CNTN5: variants seen among roughly 807,000 people sequenced by gnomAD.
The protein encoded by CNTN5 is contactin 5, also known as contactin-5.
A neutral mutation model predicts 129.1 loss-of-function variants in CNTN5; 77 were observed. The ratio of observed to expected loss-of-function variants is 0.60; its 90% CI spans 0.50 to 0.72. The LOEUF (loss-of-function observed/expected upper bound fraction) is 0.72, where lower values mean the gene tolerates loss of function less well. Ranked by LOEUF, CNTN5 falls within the 30% of genes least tolerant of loss-of-function variation. The pLI is 0.00. For synonymous variants in CNTN5, 509 were observed against 465.6 expected (o/e 1.09, Z -1.20); for missense variants, 1,478 against 1,328.8 (o/e 1.11, Z -1.75).
intron 4 of CNTN5, among the ~76,000 whole-genome samples, chr11:99,843,277 C>T (rs1018723252): frequency 5.3e-5 from 8 of 152,200 alleles, no homozygotes; most frequent in Admixed American, 5.2e-4. Flanking sequence ...AGAAAATACT[C>T]GTCAGTACAT....
chr11:99,533,170 C>G (rs142481906), intron 2 of CNTN5, among the ~76,000 whole-genome samples: 1,875 of 152,312 alleles, frequency 0.012, 18 homozygotes, highest in Non-Finnish European at 0.018. Context: ...TTGCAGTGAG[C>G]CAAGATTGTG....
At chr11:100,281,996 A>ATTTTTTTTTTT (rs34162956) in intron 18 of CNTN5, among the ~76,000 whole-genome samples, 2 of 123,160 alleles carry the variant, frequency 1.6e-5, no homozygotes, top group African/African-American at 2.9e-5. Flanking sequence ...TTGGCATTCT[A>ATTTTTTTTTTT]TTTTTTTTTT....
At chr11:100,349,917 A>T (rs1453621633) in intron 23 of CNTN5, among the ~76,000 whole-genome samples, 1 of 151,688 alleles carries the variant, frequency 6.6e-6, no homozygotes, top group Non-Finnish European at 1.5e-5. Flanking sequence ...AAGTCACCTA[A>T]CCTTTATGGC....
At chr11:99,600,484 C>A (rs540668078) in intron 3 of CNTN5, among the ~76,000 whole-genome samples, 1 of 152,106 alleles carries the variant, frequency 6.6e-6, no homozygotes, top group African/African-American at 2.4e-5. Flanking sequence ...ACTAACTTTG[C>A]CCACTTCAGC....
Position 99,956,865 on chromosome 11 carries a change from C to T in CNTN5, c.733C>T (p.Arg245Trp). ...FPSFVAEDSR[R>W]FISQETGNLY... ...TTCCTTTGTGGCGGAAGACAGCCGG[C>T]GGTTCATCTCCCAGGAGACAGGCAA... is the stretch of plus-strand genomic sequence containing the variant. Residue 245 changes from arginine to tryptophan, a missense_variant, in exon 8 of 25, where the codon CGG (arginine) becomes TGG (tryptophan). Arg to Trp is a moderately radical substitution (Grantham distance 101, BLOSUM62 -3). Transcript: ENST00000524871. The T allele has an allele frequency of 1.9e-6, 3 of 1,613,800 alleles. No homozygotes were observed. The highest frequency in any genetic ancestry group is 1.7e-6 in the Non-Finnish European group (2 of 1,179,764).
chr11:100,170,013 T>G (rs974662647), intron 13 of CNTN5, among the ~76,000 whole-genome samples: 3 of 151,994 alleles, frequency 2.0e-5, no homozygotes, highest in Admixed American at 1.3e-4. Context: ...TGTTACTGTA[T>G]GAAAATACTT....
chr11:99,778,026 G>T (rs1038295735), intron 3 of CNTN5, among the ~76,000 whole-genome samples: 2 of 151,726 alleles, frequency 1.3e-5, no homozygotes, highest in South Asian at 2.1e-4. Flanking sequence ...AATATTTTAG[G>T]TTATATAACC....
intron 2 of CNTN5, among the ~76,000 whole-genome samples, chr11:99,333,667 G>A (rs1866096296): frequency 6.6e-6 from 1 of 151,954 alleles, no homozygotes; most frequent in African/African-American, 2.4e-5. Context: ...GGGTTAAAAG[G>A]AAGGTGAAAA....
intron 15 of CNTN5, among the ~76,000 whole-genome samples, chr11:100,220,273 T>C (rs1282414519): frequency 6.6e-6 from 1 of 150,980 alleles, no homozygotes; most frequent in Admixed American, 6.6e-5. Context: ...CGAGACTCTG[T>C]CTCAATTAAA....
intron 1 of CNTN5, among the ~76,000 whole-genome samples, chr11:99,073,434 G>GGTTT (rs1387621289): frequency 7.0e-6 from 1 of 142,018 alleles, no homozygotes; most frequent in East Asian, 2.2e-4. Flanking sequence ...TGAATGTGCA[G>GGTTT]GTTTGTTACA....
intron 13 of CNTN5, among the ~76,000 whole-genome samples, chr11:100,076,050 C>T (rs1339394475): frequency 6.6e-6 from 1 of 152,068 alleles, no homozygotes; most frequent in Admixed American, 6.6e-5. Context: ...TTGCCTATGA[C>T]AGAATTGATC....
intron 3 of CNTN5, among the ~76,000 whole-genome samples, chr11:99,769,714 T>C (rs758410756): frequency 5.3e-5 from 8 of 151,364 alleles, no homozygotes; most frequent in Non-Finnish European, 1.0e-4. Context: ...CTTCGGAGGC[T>C]GAGGTGGGAG....
intron 3 of CNTN5, among the ~76,000 whole-genome samples, chr11:99,754,471 C>A (rs570974815): frequency 6.6e-6 from 1 of 152,196 alleles, no homozygotes; most frequent in South Asian, 2.1e-4. Context: ...TCAACTCATG[C>A]CTTAAGGGTT....
intron 13 of CNTN5, among the ~76,000 whole-genome samples, chr11:100,149,513 A>AAATT (rs1277634887): frequency 6.6e-6 from 1 of 152,204 alleles, no homozygotes; most frequent in Non-Finnish European, 1.5e-5. Context: ...TTTGCTTTTA[A>AAATT]AATTATATTT....
At chr11:100,262,297 C>T (rs543920983) in intron 17 of CNTN5, among the ~76,000 whole-genome samples, 14 of 152,084 alleles carry the variant, frequency 9.2e-5, no homozygotes, top group Non-Finnish European at 1.8e-4. Context: ...ACAACAGATG[C>T]TGGAGAGGAT....
chr11:99,853,509 C>T (rs753402935), intron 6 of CNTN5, among the ~76,000 whole-genome samples: 4 of 152,056 alleles, frequency 2.6e-5, no homozygotes, highest in African/African-American at 7.2e-5. Flanking sequence ...AAGCGATTCT[C>T]CTGCCTCAGC....
chr11:99,975,287 G>A (rs1794187854), intron 8 of CNTN5, among the ~76,000 whole-genome samples: 1 of 152,162 alleles, frequency 6.6e-6, no homozygotes, highest in Non-Finnish European at 1.5e-5. Flanking sequence ...TTATTTTGGA[G>A]CTTACGTTTT....
At chr11:99,057,623 A>C (rs548519363) in intron 1 of CNTN5, among the ~76,000 whole-genome samples, 19 of 152,132 alleles carry the variant, frequency 1.2e-4, no homozygotes, top group African/African-American at 4.6e-4. Context: ...TTTTAGATTC[A>C]ATAAAAATTA....
chr11:99,102,002 T>G (rs1000884340), intron 1 of CNTN5, among the ~76,000 whole-genome samples: 78 of 152,230 alleles, frequency 5.1e-4, no homozygotes, highest in African/African-American at 1.9e-3. Flanking sequence ...TTTCTATACA[T>G]CCTCTGAAAT....
Sources: gnomAD v4.1 joint callset for allele counts (sites outside exome capture counted in the v4.1 genomes callset) on GRCh38, gnomAD v4.1.1 for gene constraint, MANE v1.5 for transcripts, NCBI Gene and HGNC (gene_info 2026-07-23, HGNC 2026-07-21) for gene names.